PHF24: variants seen among roughly 807,000 people sequenced by gnomAD.
PHF24 encodes Galpha inhibitory interacting protein.
A neutral mutation model predicts 42.6 loss-of-function variants in PHF24; 25 were observed. That is an observed-to-expected ratio of 0.59 (90% CI 0.43 to 0.82). The LOEUF (loss-of-function observed/expected upper bound fraction) is 0.82, where lower values mean the gene tolerates loss of function less well. PHF24 is among the 40% of genes least tolerant of loss of function. The pLI is 0.00. For synonymous variants in PHF24, 185 were observed against 204.8 expected (o/e 0.90, Z 0.83); for missense variants, 470 against 538.1 (o/e 0.87, Z 1.25).
At chr9:34,936,784 G>A in the PHF24 span, among the ~76,000 whole-genome samples, 2 of 144,798 alleles carry the variant, frequency 1.4e-5, no homozygotes, top group South Asian at 2.2e-4. Context: ...GGTGAGGACC[G>A]TCTCTGCCCA....
the PHF24 span, among the ~76,000 whole-genome samples, chr9:34,871,430 T>C: frequency 6.6e-6 from 1 of 152,186 alleles, no homozygotes. Context: ...GAGAGAAGAC[T>C]TTTTTCATTT....
At chr9:34,902,009 A>G in the PHF24 span, among the ~76,000 whole-genome samples, 1 of 152,162 alleles carries the variant, frequency 6.6e-6, no homozygotes, top group African/African-American at 2.4e-5. Flanking sequence ...GTTATTTGAA[A>G]TTTTCCCTAG....
At chr9:34,910,845 T>TAG in the PHF24 span, among the ~76,000 whole-genome samples, 1 of 151,864 alleles carries the variant, frequency 6.6e-6, no homozygotes, top group African/African-American at 2.4e-5. Context: ...TCAATTGAGA[T>TAG]AGAGTCTCAT....
chr9:34,723,177 T>A, the PHF24 span: 1 of 1,508,434 alleles, frequency 6.6e-7, no homozygotes, highest in Non-Finnish European at 8.9e-7. Context: ...TTTTCATGGC[T>A]CTGCATGTTC....
At chr9:34,767,694 A>G in the PHF24 span, among the ~76,000 whole-genome samples, 1 of 152,212 alleles carries the variant, frequency 6.6e-6, no homozygotes, top group Non-Finnish European at 1.5e-5. Flanking sequence ...CGGCTCGCGC[A>G]TGGTGCGCTG....
the PHF24 span, among the ~76,000 whole-genome samples, chr9:34,805,048 T>C: frequency 5.3e-5 from 8 of 152,378 alleles, no homozygotes; most frequent in African/African-American, 1.7e-4. Context: ...TTCATTCTTT[T>C]TAATGGCTGA....
the PHF24 span, among the ~76,000 whole-genome samples, chr9:34,792,141 A>G: frequency 6.6e-6 from 1 of 152,176 alleles, no homozygotes; most frequent in Non-Finnish European, 1.5e-5. Context: ...ATCCCTATTG[A>G]TAGGGAGTAG....
At position 34,972,550 on chromosome 9, in the gene PHF24, G is replaced by T; in HGVS notation, c.564+19G>T. On this transcript the variant is annotated intron_variant, in intron 3 of 7. Transcript: ENST00000242315. The stretch of plus-strand genomic sequence containing the variant: ...CTACTGTGTAAGTCTGGACTGCAGG[G>T]ACAGCAGAGGACTTGGCACTTTTCC... 1 of 1,568,942 alleles carries T rather than the reference G, an allele frequency of 6.4e-7. No homozygotes were observed. Among genetic ancestry groups the T allele is most frequent in the Non-Finnish European group, 8.7e-7 (1 of 1,155,506 alleles).
chr9:34,970,263 C>A (rs1305566584), intron 1 of PHF24, among the ~76,000 whole-genome samples: 2 of 152,126 alleles, frequency 1.3e-5, no homozygotes, highest in African/African-American at 4.8e-5. Flanking sequence ...GCTCTGGTAC[C>A]ACAGAGAAGA....
the PHF24 span, among the ~76,000 whole-genome samples, chr9:34,926,314 C>T: frequency 6.6e-6 from 1 of 152,232 alleles, no homozygotes; most frequent in Non-Finnish European, 1.5e-5. This position sits in a 1 kb window ranked among gnomAD's most constrained non-coding sequence, Gnocchi z 4.3. Flanking sequence ...AGAGCTGTTT[C>T]TCGAAGGCCT....
At chr9:34,847,240 T>G in the PHF24 span, among the ~76,000 whole-genome samples, 1 of 152,342 alleles carries the variant, frequency 6.6e-6, no homozygotes, top group South Asian at 2.1e-4. Flanking sequence ...GAACATGGAA[T>G]GTTCTTCCAT....
chr9:34,898,428 A>G, the PHF24 span, among the ~76,000 whole-genome samples: 2 of 152,120 alleles, frequency 1.3e-5, no homozygotes, highest in Non-Finnish European at 2.9e-5. Flanking sequence ...CGTTTTTCTT[A>G]AATGTCCTTC....
chr9:34,929,575 G>T, the PHF24 span, among the ~76,000 whole-genome samples: 1 of 152,174 alleles, frequency 6.6e-6, no homozygotes, highest in Non-Finnish European at 1.5e-5. Context: ...TATTCTATTA[G>T]TACTGGGATC....
chr9:34,885,489 C>T, the PHF24 span, among the ~76,000 whole-genome samples: 1 of 152,150 alleles, frequency 6.6e-6, no homozygotes, highest in Non-Finnish European at 1.5e-5. Context: ...CTTGCCCTTT[C>T]TTCAGCTCTT....
the PHF24 span, chr9:34,689,492 C>CTTT: frequency 8.7e-5 from 20 of 230,614 alleles, no homozygotes; most frequent in Admixed American, 3.9e-4. The surrounding 1 kb of genome is among the most constrained non-coding windows in gnomAD (Gnocchi z 4.1). Context: ...TGCCAGGTGC[C>CTTT]TTTTTTTTTT....
At chr9:34,742,169 C>G in the PHF24 span, among the ~76,000 whole-genome samples, 67 of 152,284 alleles carry the variant, frequency 4.4e-4, no homozygotes, top group East Asian at 2.1e-3. Flanking sequence ...GAAATATCAG[C>G]AAGATACAGC....
chr9:34,791,618 A>G, the PHF24 span, among the ~76,000 whole-genome samples: 3 of 151,850 alleles, frequency 2.0e-5, no homozygotes, highest in African/African-American at 7.2e-5. Flanking sequence ...CTGTGGCCAG[A>G]GTCCTGGGCA....
rs1179612445 is a variant in PHF24, at chr9:34,977,560, G to T, written c.1025G>T (p.Gly342Val). The T allele has an allele frequency of 3.1e-6, 5 of 1,608,520 alleles. No homozygotes were observed. In the South Asian group the frequency reaches 3.3e-5, roughly 11 times the overall value. The change falls in exon 7 of 8, where the codon GGT (glycine) becomes GTT (valine). Residue 342 changes from glycine to valine, a missense_variant. Coordinates refer to ENST00000242315, the Ensembl canonical transcript of PHF24. ...ATGCCCAGCAGCATCAGCCATGTGG[G>T]TCCCATCGCAGATAGCAGCCCAGCC...
At chr9:34,950,698 A>G in the PHF24 span, among the ~76,000 whole-genome samples, 6 of 152,316 alleles carry the variant, frequency 3.9e-5, no homozygotes, top group Non-Finnish European at 7.4e-5. Context: ...CATGTGAATT[A>G]TATTTCGATT....
Sources: allele counts gnomAD v4.1 joint callset (sites outside exome capture counted in the v4.1 genomes callset), GRCh38; gene constraint gnomAD v4.1.1; non-coding constraint Gnocchi (gnomAD v3.1); transcripts MANE v1.5; gene names NCBI Gene and HGNC (gene_info 2026-07-23, HGNC 2026-07-21).